Variants in SPATS2L observed in about 807,000 individuals in gnomAD.
SPATS2L encodes the protein SPATS2-like protein.
A neutral mutation model predicts 59.6 loss-of-function variants in SPATS2L; 30 were observed. The observed-to-expected ratio is 0.50, with a 90% CI of 0.38 to 0.68. The LOEUF is 0.68. Among genes scored for constraint, SPATS2L ranks in the 30% least tolerant of loss-of-function variants. The pLI, the probability that SPATS2L is intolerant of heterozygous loss-of-function variation, is 0.00. For missense variants in SPATS2L, 615 were observed against 700.0 expected (o/e 0.88, Z 1.37); for synonymous variants, 252 against 263.5 (o/e 0.96, Z 0.42).
chr2:200,350,008 T>G (rs1023007018), intron 2 of SPATS2L, among the ~76,000 whole-genome samples: 2 of 152,158 alleles, frequency 1.3e-5, no homozygotes, highest in African/African-American at 4.8e-5. Context: ...CCAGAGAGAC[T>G]TCCTCCTAGG....
Position 200,481,189 on chromosome 2 carries a change from A to G in SPATS2L, c.*3158A>G, listed in dbSNP as rs892785799. ...CAAAATTCACCCTCAGTGGAGGACTAGAAACACAACATGTCCAATTTAAAG... is the reference window on the plus strand; with the variant it reads ...CAAAATTCACCCTCAGTGGAGGACTGGAAACACAACATGTCCAATTTAAAG... On this transcript the variant is annotated 3_prime_UTR_variant, in exon 13 of 13. Transcript: ENST00000409140. 6.6e-6 allele frequency: 1 copy of G among 152,254 alleles called. No individual in the cohort carries two copies. Among genetic ancestry groups the G allele is most frequent in the Non-Finnish European group, 1.5e-5 (1 of 68,042 alleles). The allele number at this position is 152,254 out of a possible 1,614,324, so 9.4% of individuals were successfully genotyped here.
At chr2:200,429,530 C>T (rs948319379) in intron 6 of SPATS2L, among the ~76,000 whole-genome samples, 3 of 152,122 alleles carry the variant, frequency 2.0e-5, no homozygotes, top group Non-Finnish European at 2.9e-5. Flanking sequence ...GCTGCCATTG[C>T]CAGAGGGTGT....
rs1574301450 is a variant in SPATS2L, at chr2:200,373,246, CT to C, written c.-22-15976del. 11 of 147,662 alleles carry C rather than the reference CT, an allele frequency of 7.4e-5. No individual in the cohort carries two copies. In the South Asian group the frequency reaches 2.4e-3, roughly 32 times the overall value. The allele number at this position is 147,662 out of a possible 1,614,324, so 9.1% of individuals were successfully genotyped here. ...TCACTAAAGTTGGCATATAATCCCC[CT>C]GTGCTAAATTTGACTGCCTTAACAA... On this transcript the variant is annotated intron_variant, in intron 2 of 12. Transcript: ENST00000409140.
At chr2:200,475,431 G>T (rs2087439621) in intron 12 of SPATS2L, among the ~76,000 whole-genome samples, 1 of 152,176 alleles carries the variant, frequency 6.6e-6, no homozygotes. Flanking sequence ...CAGAAAGGTG[G>T]GACTACTGGA....
chr2:200,442,221 T>C (rs941094182), intron 8 of SPATS2L, among the ~76,000 whole-genome samples: 2 of 152,336 alleles, frequency 1.3e-5, no homozygotes, highest in Admixed American at 6.5e-5. Context: ...AAAGATGCTA[T>C]ACAAATGAAA....
chr2:200,406,543 C>T (rs1221994802), intron 3 of SPATS2L, among the ~76,000 whole-genome samples: 1 of 152,126 alleles, frequency 6.6e-6, no homozygotes, highest in East Asian at 1.9e-4. Context: ...ATCTGCACTC[C>T]AGCTTCTCTC....
At chr2:200,345,623 T>A (rs1286469509) in intron 2 of SPATS2L, among the ~76,000 whole-genome samples, 1 of 152,156 alleles carries the variant, frequency 6.6e-6, no homozygotes, top group African/African-American at 2.4e-5. Flanking sequence ...CCAGAGAAAC[T>A]GCTGAGTGGG....
chr2:200,351,969 A>G (rs1284893720), intron 2 of SPATS2L, among the ~76,000 whole-genome samples: 4 of 152,040 alleles, frequency 2.6e-5, no homozygotes, highest in Admixed American at 2.0e-4. Context: ...GAATGTTGCT[A>G]TATCTCTTTT....
intron 2 of SPATS2L, among the ~76,000 whole-genome samples, chr2:200,367,246 T>G (rs898048781): frequency 6.6e-6 from 1 of 152,176 alleles, no homozygotes. Flanking sequence ...TTAAGTTGGG[T>G]TTTTTTCCCC....
intron 6 of SPATS2L, among the ~76,000 whole-genome samples, chr2:200,420,386 A>G (rs1027540668): frequency 6.6e-6 from 1 of 150,386 alleles, no homozygotes; most frequent in African/African-American, 2.5e-5. Flanking sequence ...AGAAGGCTCA[A>G]TAAAGAGGCC....
chr2:200,322,426 G>GT (rs2079593509), intron 1 of SPATS2L, among the ~76,000 whole-genome samples: 1 of 152,206 alleles, frequency 6.6e-6, no homozygotes, highest in African/African-American at 2.4e-5. Flanking sequence ...GGGGTTGAAT[G>GT]TAAAAAAATA....
At chr2:200,396,033 A>AAAAATAT (rs1553520464) in intron 3 of SPATS2L, among the ~76,000 whole-genome samples, 34 of 21,120 alleles carry the variant, frequency 1.6e-3, no homozygotes, top group Non-Finnish European at 2.7e-3. Context: ...AAAAAAAAAA[A>AAAAATAT]ATATATATAT....
At chr2:200,426,917 A>G (rs926194913) in intron 6 of SPATS2L, among the ~76,000 whole-genome samples, 1 of 152,134 alleles carries the variant, frequency 6.6e-6, no homozygotes, top group Non-Finnish European at 1.5e-5. Context: ...TTTATGTATG[A>G]TAAAGCAGAA....
rs757890707 is a variant in SPATS2L, at chr2:200,389,254, C to G, written c.10C>G (p.Leu4Val). MAE[L>V]NTHVNVKEKI... is the part of the protein sequence containing the mutation. ...TTCCACTAGAAGCAAGATGGCTGAA[C>G]TCAATACTCATGTGAATGTCAAGGA... The change falls in exon 3 of 13, where the codon CTC (leucine) becomes GTC (valine). Residue 4 changes from leucine to valine, a missense_variant. Around this residue, in one of 3 missense-constraint regions of SPATS2L, gnomAD observed 227 missense variants for 257.4 expected, o/e 0.88. Coordinates refer to ENST00000409140, the MANE Select transcript of SPATS2L (RefSeq NM_001100423.2). The G allele has an allele frequency of 1.9e-6, 3 of 1,584,078 alleles. No homozygotes were observed. Among genetic ancestry groups the G allele is most frequent in the African/African-American group, 1.3e-5 (1 of 74,424 alleles).
chr2:200,439,349 C>T, intron 7 of SPATS2L, 21 bp downstream of exon 7: 1 of 1,581,854 alleles, frequency 6.3e-7, no homozygotes, highest in Non-Finnish European at 8.7e-7. Flanking sequence ...TTCTTTTGCA[C>T]AAATGATTCA....
At chr2:200,472,098 C>T (rs1015700377) in intron 11 of SPATS2L, among the ~76,000 whole-genome samples, 1 of 152,206 alleles carries the variant, frequency 6.6e-6, no homozygotes, top group African/African-American at 2.4e-5. Context: ...GCCCTGAGCC[C>T]TGAGCCCTGA....
intron 2 of SPATS2L, among the ~76,000 whole-genome samples, chr2:200,332,912 A>G (rs2079998311): frequency 6.6e-6 from 1 of 152,096 alleles, no homozygotes; most frequent in South Asian, 2.1e-4. Context: ...ATATGCTAGA[A>G]TACTATACAG....
intron 2 of SPATS2L, among the ~76,000 whole-genome samples, chr2:200,330,818 T>C (rs577316324): frequency 4.6e-5 from 7 of 152,338 alleles, no homozygotes; most frequent in African/African-American, 9.6e-5. Context: ...ACTAATCATA[T>C]TAGAGGTGGA....
At chr2:200,388,300 A>G (rs1022815636) in intron 2 of SPATS2L, among the ~76,000 whole-genome samples, 5 of 152,080 alleles carry the variant, frequency 3.3e-5, no homozygotes, top group African/African-American at 1.2e-4. Context: ...GGACAGGTGC[A>G]TGGCTCACAC....
Sources: gnomAD v4.1 joint callset for allele counts (sites outside exome capture counted in the v4.1 genomes callset) on GRCh38, gnomAD v4.1.1 for gene constraint, gnomAD v4.1.1 regional missense constraint, MANE v1.5 for transcripts, NCBI Gene and HGNC (gene_info 2026-07-23, HGNC 2026-07-21) for gene names.